MYO1D: variants seen among roughly 807,000 people sequenced by gnomAD.
MYO1D encodes myosin ID, also known as unconventional myosin-Id.
In MYO1D, 83 loss-of-function variants were observed where a neutral mutation model predicts 122.0. That is an observed-to-expected ratio of 0.68 (90% CI 0.57 to 0.82). The LOEUF is 0.82. Ranked by LOEUF, MYO1D falls within the 40% of genes least tolerant of loss-of-function variation. The pLI, the probability that MYO1D is intolerant of heterozygous loss-of-function variation, is 0.00. For synonymous variants in MYO1D, 464 were observed against 446.9 expected, an observed-to-expected ratio of 1.04 and a Z score of -0.48; for missense variants, 1,157 against 1,269.5, an observed-to-expected ratio of 0.91 and a Z score of 1.35.
At chr17:32,685,160 G>C (rs1211820281) in intron 16 of MYO1D, among the ~76,000 whole-genome samples, 1 of 152,008 alleles carries the variant, frequency 6.6e-6, no homozygotes, top group Non-Finnish European at 1.5e-5. Flanking sequence ...TTTTTTCACT[G>C]GGCCTGTGAG....
At chr17:32,631,676 T>C (rs1005841038) in intron 20 of MYO1D, among the ~76,000 whole-genome samples, 2 of 151,728 alleles carry the variant, frequency 1.3e-5, no homozygotes, top group African/African-American at 4.8e-5. Context: ...TCTGAACAAC[T>C]GGGGAAATTT....
At chr17:32,623,723 C>T (rs535217828) in intron 20 of MYO1D, among the ~76,000 whole-genome samples, 1 of 152,230 alleles carries the variant, frequency 6.6e-6, no homozygotes, top group African/African-American at 2.4e-5. Context: ...AAACTGGTGG[C>T]TTATAAACAA....
chr17:32,621,777 A>T (rs2087857984), intron 20 of MYO1D, among the ~76,000 whole-genome samples: 1 of 152,132 alleles, frequency 6.6e-6, no homozygotes, highest in Non-Finnish European at 1.5e-5. Context: ...GGTGGGGCCT[A>T]TGGGAGGTAA....
chr17:32,618,378 C>G (rs1439151548), intron 20 of MYO1D, among the ~76,000 whole-genome samples: 1 of 152,168 alleles, frequency 6.6e-6, no homozygotes, highest in East Asian at 1.9e-4. Context: ...CTCAGCAAAA[C>G]TCTTCAGTAA....
intron 21 of MYO1D, among the ~76,000 whole-genome samples, chr17:32,586,909 AT>A (rs2087391222): frequency 6.6e-6 from 1 of 152,172 alleles, no homozygotes; most frequent in South Asian, 2.1e-4. Flanking sequence ...TTAATAAAGC[AT>A]CCAGCAGTCC....
intron 20 of MYO1D, among the ~76,000 whole-genome samples, chr17:32,627,265 GC>G (rs2087940713): frequency 6.6e-6 from 1 of 152,216 alleles, no homozygotes; most frequent in African/African-American, 2.4e-5. Context: ...TTGAGGGAGG[GC>G]CGAGGGAGTG....
intron 1 of MYO1D, among the ~76,000 whole-genome samples, chr17:32,814,231 C>A (rs934305567): frequency 3.9e-5 from 6 of 152,132 alleles, no homozygotes; most frequent in African/African-American, 1.4e-4. Flanking sequence ...GTAGTCCCAG[C>A]TACTCGGAAG....
chr17:32,756,598 C>T (rs1344646251), intron 10 of MYO1D, among the ~76,000 whole-genome samples: 1 of 150,606 alleles, frequency 6.6e-6, no homozygotes, highest in African/African-American at 2.4e-5. Flanking sequence ...AAAGAACTTG[C>T]ATTTTTAGTT....
At position 32,492,924 on chromosome 17, in the gene MYO1D, CA is replaced by C. The variant is rs1908937618; in HGVS notation, c.*1834del. On this transcript the variant is annotated 3_prime_UTR_variant, in exon 22 of 22. Transcript: ENST00000318217. ...GGCGCTGGGGCTAAGGGGCCCAAGG[CA>C]CCATCCAAAGGCTGGGAGGAAAGAA... is the stretch of plus-strand genomic sequence containing the variant. The C allele has an allele frequency of 6.6e-6, 1 of 152,604 alleles. No individual in the cohort carries two copies. The highest frequency in any genetic ancestry group is 2.4e-5 in the African/African-American group (1 of 41,450). The allele number at this position is 152,604 out of a possible 1,614,324, so 9.5% of individuals were successfully genotyped here.
chr17:32,690,463 C>T (rs1031328929), intron 16 of MYO1D, among the ~76,000 whole-genome samples: 19 of 152,194 alleles, frequency 1.2e-4, no homozygotes, highest in Non-Finnish European at 2.8e-4. Context: ...GTGTGAGCCA[C>T]AGCACCTGAC....
chr17:32,674,470 G>A (rs1349964029), intron 16 of MYO1D, among the ~76,000 whole-genome samples: 2 of 151,884 alleles, frequency 1.3e-5, no homozygotes, highest in Non-Finnish European at 2.9e-5. Context: ...AGAACACATC[G>A]TTTTACTGGT....
intron 10 of MYO1D, chr17:32,760,067 T>A: frequency 1.4e-6 from 1 of 701,642 alleles, no homozygotes; most frequent in Non-Finnish European, 2.6e-6. Context: ...GGTTTACTGG[T>A]TCTAACTCAG....
chr17:32,757,058 A>G (rs753263735), intron 10 of MYO1D, among the ~76,000 whole-genome samples: 1 of 152,168 alleles, frequency 6.6e-6, no homozygotes, highest in African/African-American at 2.4e-5. Flanking sequence ...TGCTGTCTCC[A>G]TTACCTTCTA....
intron 21 of MYO1D, among the ~76,000 whole-genome samples, chr17:32,540,786 C>T (rs542776556): frequency 1.1e-4 from 17 of 151,928 alleles, no homozygotes; most frequent in African/African-American, 4.1e-4. Flanking sequence ...ATTAACTAGG[C>T]ATGGTGGTGT....
intron 1 of MYO1D, among the ~76,000 whole-genome samples, chr17:32,860,780 GT>G (rs1598162325): frequency 6.6e-6 from 1 of 152,180 alleles, no homozygotes; most frequent in African/African-American, 2.4e-5. Context: ...GACTTTCTGT[GT>G]TTCTAACTTC....
chr17:32,605,731 T>C (rs2087619538), intron 20 of MYO1D, among the ~76,000 whole-genome samples: 1 of 151,972 alleles, frequency 6.6e-6, no homozygotes, highest in Admixed American at 6.6e-5. Context: ...AAAAGGATAA[T>C]ATTAAAATAT....
intron 1 of MYO1D, among the ~76,000 whole-genome samples, chr17:32,851,039 T>A (rs908101459): frequency 6.6e-6 from 1 of 152,042 alleles, no homozygotes; most frequent in East Asian, 1.9e-4. Context: ...GGTTGACCAA[T>A]TGGAAACTCT....
chr17:32,548,429 GAA>G (rs113153925), intron 21 of MYO1D, among the ~76,000 whole-genome samples: 1 of 132,224 alleles, frequency 7.6e-6, no homozygotes, highest in Non-Finnish European at 1.7e-5. Flanking sequence ...CCTGTCTCAA[GAA>G]AAAAAAAAAA....
At chr17:32,762,737 G>A (rs2090013944) in intron 8 of MYO1D, among the ~76,000 whole-genome samples, 1 of 152,036 alleles carries the variant, frequency 6.6e-6, no homozygotes, top group Admixed American at 6.5e-5. Context: ...AGCCAGGCAT[G>A]GTGGCGGGTG....
Sources: allele counts gnomAD v4.1 joint callset (sites outside exome capture counted in the v4.1 genomes callset), GRCh38; gene constraint gnomAD v4.1.1; transcripts MANE v1.5; gene names NCBI Gene and HGNC (gene_info 2026-07-23, HGNC 2026-07-21).